Variants in NRXN1 observed in about 807,000 individuals in gnomAD.
NRXN1 encodes neurexin-1.
NRXN1 carries 39 observed loss-of-function variants against 150.9 expected under a neutral mutation model. That is an observed-to-expected ratio of 0.26 (90% CI 0.20 to 0.34). NRXN1 has a LOEUF of 0.34. Ranked by LOEUF, NRXN1 falls within the 10% of genes least tolerant of loss-of-function variation. The pLI is 1.00. For missense variants in NRXN1, 1,815 were observed against 1,949.9 expected, an observed-to-expected ratio of 0.93 and a Z score of 1.30; for synonymous variants, 924 against 757.0, an observed-to-expected ratio of 1.22 and a Z score of -3.62.
intron 2 of NRXN1, among the ~76,000 whole-genome samples, chr2:50,966,866 A>G (rs370191730): frequency 6.6e-6 from 1 of 151,938 alleles, no homozygotes; most frequent in African/African-American, 2.4e-5. Flanking sequence ...GAACAACAAG[A>G]TATTTTGATT....
At chr2:50,935,808 G>A (rs1372625309) in intron 2 of NRXN1, among the ~76,000 whole-genome samples, 2 of 151,910 alleles carry the variant, frequency 1.3e-5, no homozygotes, top group African/African-American at 2.4e-5. Context: ...GGGATGAAAT[G>A]ATGAAATAAA....
intron 21 of NRXN1, among the ~76,000 whole-genome samples, chr2:49,950,000 ATTT>A (rs201930472): frequency 2.6e-5 from 4 of 151,714 alleles, no homozygotes; most frequent in African/African-American, 9.7e-5. Flanking sequence ...AAAAAAAAAA[ATTT>A]TAACAGGATT....
At chr2:50,161,114 T>C (rs1256672276) in intron 18 of NRXN1, among the ~76,000 whole-genome samples, 2 of 152,154 alleles carry the variant, frequency 1.3e-5, no homozygotes, top group Non-Finnish European at 2.9e-5. Context: ...CCATAATCTG[T>C]CAAAACTGCC....
chr2:50,388,576 A>T (rs559508178), intron 17 of NRXN1, among the ~76,000 whole-genome samples: 1 of 152,292 alleles, frequency 6.6e-6, no homozygotes, highest in African/African-American at 2.4e-5. Flanking sequence ...CTCAGCAGGA[A>T]GTTGGCAGTA....
chr2:50,421,943 G>T (rs147273618), intron 17 of NRXN1, among the ~76,000 whole-genome samples: 237 of 152,120 alleles, frequency 1.6e-3, no homozygotes, highest in African/African-American at 5.5e-3. Flanking sequence ...GAACTGCATG[G>T]ATATATTCTC....
intron 21 of NRXN1, among the ~76,000 whole-genome samples, chr2:50,042,540 A>G (rs1458311517): frequency 2.0e-5 from 3 of 152,188 alleles, no homozygotes; most frequent in African/African-American, 7.2e-5. Context: ...CTGTCCTTAT[A>G]GCAGCGTGGG....
At chr2:50,863,994 G>C (rs2106048851) in intron 5 of NRXN1, among the ~76,000 whole-genome samples, 1 of 152,046 alleles carries the variant, frequency 6.6e-6, no homozygotes, top group East Asian at 1.9e-4. Flanking sequence ...TGGGTGTAGA[G>C]GACACCTGGA....
At chr2:50,915,228 T>C (rs2104170458) in intron 5 of NRXN1, among the ~76,000 whole-genome samples, 1 of 151,792 alleles carries the variant, frequency 6.6e-6, no homozygotes, top group South Asian at 2.1e-4. Flanking sequence ...ATATATCTAC[T>C]TAGCTTTTCC....
intron 5 of NRXN1, among the ~76,000 whole-genome samples, chr2:50,774,848 A>G (rs781125026): frequency 3.3e-5 from 5 of 152,144 alleles, no homozygotes; most frequent in African/African-American, 1.2e-4. Flanking sequence ...TATACCACAT[A>G]TACATTTCTA....
chr2:50,651,465 A>G (rs542866571), intron 5 of NRXN1, among the ~76,000 whole-genome samples: 6 of 144,860 alleles, frequency 4.1e-5, no homozygotes, highest in African/African-American at 1.6e-4. Context: ...ATAACATAAC[A>G]TAACGTAACA....
At chr2:50,575,488 G>A (rs1387896860) in intron 8 of NRXN1, among the ~76,000 whole-genome samples, 2 of 152,080 alleles carry the variant, frequency 1.3e-5, no homozygotes, top group Admixed American at 6.5e-5. Context: ...TTCCAATCCC[G>A]CATACCGTTT....
At chr2:49,939,986 A>G (rs1298833902) in intron 22 of NRXN1, among the ~76,000 whole-genome samples, 1 of 152,198 alleles carries the variant, frequency 6.6e-6, no homozygotes, top group Non-Finnish European at 1.5e-5. Flanking sequence ...GATAAAAGGA[A>G]TAATTTACTA....
chr2:50,981,323 T>A (rs1057134666), intron 2 of NRXN1, among the ~76,000 whole-genome samples: 30 of 151,626 alleles, frequency 2.0e-4, no homozygotes, highest in African/African-American at 7.0e-4. Context: ...CCAGGTGTGG[T>A]GACAGGCACC....
chr2:50,050,590 T>A (rs1692562252), intron 21 of NRXN1, among the ~76,000 whole-genome samples: 1 of 152,050 alleles, frequency 6.6e-6, no homozygotes. Flanking sequence ...TAAAGGAAGA[T>A]GCTTCATCCA....
chr2:50,359,120 C>G (rs1316140252), intron 17 of NRXN1, among the ~76,000 whole-genome samples: 1 of 151,990 alleles, frequency 6.6e-6, no homozygotes, highest in African/African-American at 2.4e-5. Flanking sequence ...CAGCAAAGAC[C>G]AAAGGTAGAC....
intron 5 of NRXN1, among the ~76,000 whole-genome samples, chr2:50,706,836 C>G (rs1247148379): frequency 2.0e-5 from 3 of 148,802 alleles, no homozygotes; most frequent in Non-Finnish European, 4.4e-5. Context: ...TGCTACAAGG[C>G]AAGGGTCATC....
At chr2:50,190,034 T>C (rs945551133) in intron 18 of NRXN1, among the ~76,000 whole-genome samples, 3 of 152,174 alleles carry the variant, frequency 2.0e-5, no homozygotes, top group Non-Finnish European at 4.4e-5. Context: ...TGAGTTCTAA[T>C]ACTATGTCAT....
At chr2:50,736,512 C>A (rs940973929) in intron 5 of NRXN1, among the ~76,000 whole-genome samples, 1 of 152,144 alleles carries the variant, frequency 6.6e-6, no homozygotes, top group Non-Finnish European at 1.5e-5. Context: ...CCCATAATTC[C>A]CATCTGTTAT....
intron 18 of NRXN1, among the ~76,000 whole-genome samples, chr2:50,234,543 C>A (rs1438033087): frequency 1.3e-5 from 2 of 152,058 alleles, no homozygotes; most frequent in Non-Finnish European, 2.9e-5. Context: ...CTTATCTCCA[C>A]ATCAAAGACT....
Sources: gnomAD v4.1 joint callset for allele counts (sites outside exome capture counted in the v4.1 genomes callset) on GRCh38, gnomAD v4.1.1 for gene constraint, MANE v1.5 for transcripts, NCBI Gene and HGNC (gene_info 2026-07-23, HGNC 2026-07-21) for gene names.